The following SIRT6 variants were observed in gnomAD, a reference collection of about 807,000 sequenced individuals.
SIRT6 encodes NAD-dependent protein deacylase sirtuin-6.
A neutral mutation model predicts 33.6 loss-of-function variants in SIRT6; 21 were observed. The observed-to-expected ratio is 0.62, with a 90% CI of 0.44 to 0.90. SIRT6 has a LOEUF of 0.90. Ranked by LOEUF, SIRT6 falls within the 40% of genes least tolerant of loss-of-function variation. The pLI is 0.00. For synonymous variants in SIRT6, 221 were observed against 223.9 expected, an observed-to-expected ratio of 0.99 and a Z score of 0.12; for missense variants, 504 against 510.6, an observed-to-expected ratio of 0.99 and a Z score of 0.12.
rs779346799 is a variant in SIRT6, at chr19:4,179,241, G to A, written c.240C>T (p.Pro80=). ...CGCTCTCAAAGGTGGTGTCGAACTT[G>A]GGGGCCAGACCTCGCTCCTCCATGG... ...VWTMEERGLA[P]KFDTTFESAR... Residue 80 remains proline, a synonymous_variant, in exon 3 of 8, where the codon CCC becomes CCT. Transcript: ENST00000337491. 1.2e-6 allele frequency: 2 copies of A among 1,609,564 alleles called. No individual in the cohort carries two copies. The highest frequency in any genetic ancestry group is 1.7e-6 in the Non-Finnish European group (2 of 1,178,448).
At position 4,174,656 on chromosome 19, in the gene SIRT6, T is replaced by C; in HGVS notation, c.1029A>G (p.Arg343=). ...CCTTGGCCTTCACCCTTTTGGGGGGTCTGTGGGGGGCAGGGCTGGTGGGCC... is the reference window on the plus strand; with the variant it reads ...CCTTGGCCTTCACCCTTTTGGGGGGCCTGTGGGGGGCAGGGCTGGTGGGCC... The part of the protein sequence containing the change: ...RERPTSPAPH[R]PPKRVKAKAV... Residue 343 remains arginine, a synonymous_variant, in exon 8 of 8, where the codon AGA becomes AGG. Transcript: ENST00000337491. The surrounding 1 kb of genome is among the most constrained non-coding windows in gnomAD (Gnocchi z 4.2). The C allele has an allele frequency of 6.9e-7, 1 of 1,450,368 alleles. No homozygotes were observed. The highest frequency in any genetic ancestry group is 9.1e-7 in the Non-Finnish European group (1 of 1,098,988). 89.8% of individuals were successfully genotyped at this position (1,450,368 alleles called of 1,614,324 possible).
At chr19:4,178,807 C>T (rs1265225632) in intron 3 of SIRT6, among the ~76,000 whole-genome samples, 1 of 152,230 alleles carries the variant, frequency 6.6e-6, no homozygotes, top group African/African-American at 2.4e-5. Context: ...CATTGCACTC[C>T]AGCCTGGGCA....
In SIRT6 at chr19:4,182,538, ATCC is replaced by A; in HGVS notation, c.-2_1del. 6.2e-7 allele frequency: 1 copy of A among 1,610,630 alleles called. No homozygotes were observed. The highest frequency in any genetic ancestry group is 8.5e-7 in the Non-Finnish European group (1 of 1,178,788). Reference sequence around the variant, plus strand: ...CAGCCCCGCCGCGTAATTCACCGACATCCTCGACTGCCCCACGGGAACAATAAA... The same window carrying A: ...CAGCCCCGCCGCGTAATTCACCGACATCGACTGCCCCACGGGAACAATAAA... On this transcript the variant is annotated start_lost and start_retained_variant and 5_prime_UTR_variant, in exon 1 of 8. Coordinates refer to ENST00000337491, the MANE Select transcript of SIRT6 (RefSeq NM_016539.4).
intron 6 of SIRT6, 25 bp downstream of exon 6, chr19:4,175,655 G>C: frequency 2.7e-6 from 4 of 1,481,990 alleles, no homozygotes; most frequent in Non-Finnish European, 3.6e-6. Flanking sequence ...CCCACCATGG[G>C]CTCCCTGGGG....
At chr19:4,180,631 A>T in intron 2 of SIRT6, 151 bp downstream of exon 2, 5 of 971,064 alleles carry the variant, frequency 5.1e-6, no homozygotes, top group Non-Finnish European at 7.2e-6. Flanking sequence ...CACCATGCCC[A>T]GCCAAGGGAC....
chr19:4,177,086 A>G lies in SIRT6; in HGVS notation c.430T>C (p.Cys144Arg), dbSNP rs775965735. The G allele has an allele frequency of 1.9e-6, 3 of 1,613,664 alleles. No individual in the cohort carries two copies. The highest frequency in any genetic ancestry group is 2.5e-6 in the Non-Finnish European group (3 of 1,179,838). ...GNMFVEECAK[C>R]KTQYVRDTVV... is the part of the protein sequence containing the mutation. ...CACCCAGGTGGCACTCACGTCTTACACTTGGCACATTCTTCCACAAACATG... is the reference window on the plus strand; with the variant it reads ...CACCCAGGTGGCACTCACGTCTTACGCTTGGCACATTCTTCCACAAACATG... The change falls in exon 4 of 8, where the codon TGT (cysteine) becomes CGT (arginine). Residue 144 changes from cysteine to arginine, a missense_variant. Transcript: ENST00000337491.
intron 3 of SIRT6, among the ~76,000 whole-genome samples, 194 bp downstream of exon 3, chr19:4,178,910 T>C (rs1967459248): frequency 6.6e-6 from 1 of 152,154 alleles, no homozygotes; most frequent in Non-Finnish European, 1.5e-5. Context: ...CTTAGCCCCA[T>C]CTCGAGGGAA....
At chr19:4,180,713 T>C (rs898732278) in intron 2 of SIRT6, 69 bp downstream of exon 2, 5 of 1,546,322 alleles carry the variant, frequency 3.2e-6, no homozygotes, top group Non-Finnish European at 4.4e-6. Context: ...CCCAGATGTG[T>C]GTGGCTCGCA....
In SIRT6 at chr19:4,179,190, C is replaced by A. The variant is rs372989272; in HGVS notation, c.291G>T (p.Ala97=). The A allele has an allele frequency of 1.2e-6, 2 of 1,612,292 alleles. No homozygotes were observed. The highest frequency in any genetic ancestry group is 2.2e-5 in the East Asian group (1 of 44,856). ...GGCCCACGCGCTCCAGCTGCACCAG[C>A]GCCATGTGGGTCTGCGTGGGCCGCG... ...ESARPTQTHM[A]LVQLERVGLL... The change falls in exon 3 of 8, where the codon GCG becomes GCT. Residue 97 remains alanine, a synonymous_variant. Coordinates refer to ENST00000337491, the MANE Select transcript of SIRT6 (RefSeq NM_016539.4).
In SIRT6 at chr19:4,175,536, G is replaced by A. The variant is rs1026541869; in HGVS notation, c.614+144C>T. 2.0e-5 allele frequency: 15 copies of A among 756,640 alleles called. No homozygotes were observed. The African/African-American group carries it at 2.3e-4, about 12-fold the overall frequency. The allele number at this position is 756,640 out of a possible 1,614,324, so 46.9% of individuals were successfully genotyped here. A position where few individuals can be genotyped will look rare whatever the true frequency, so the allele number is the denominator to read the frequency against. On this transcript the variant is annotated intron_variant, in intron 6 of 7. Coordinates refer to ENST00000337491, the MANE Select transcript of SIRT6 (RefSeq NM_016539.4). ...GAGTGTGTGTGAGTGCGTGTGTGCA[G>A]CCCCTGGCCTGGCCCACCTGCTCCA...
intron 6 of SIRT6, 111 bp downstream of exon 6, chr19:4,175,569 T>A: frequency 9.0e-7 from 1 of 1,106,954 alleles, no homozygotes; most frequent in Non-Finnish European, 1.3e-6. Context: ...CCAGGAAGCC[T>A]CCCCTCACTG....
chr19:4,180,290 C>G (rs536462302), intron 2 of SIRT6, among the ~76,000 whole-genome samples: 1 of 151,840 alleles, frequency 6.6e-6, no homozygotes, highest in Admixed American at 6.6e-5. Context: ...ATATGAAAGA[C>G]TACATTTCCC....
rs1054937679 is a variant in SIRT6 at position 4,175,075 on chromosome 19, G to A, written c.691C>T (p.Arg231Cys). 5.0e-6 allele frequency: 8 copies of A among 1,593,838 alleles called. No individual in the cohort carries two copies. The highest frequency in any genetic ancestry group is 1.1e-5 in the South Asian group (1 of 88,772). The change falls in exon 7 of 8, where the codon CGC (arginine) becomes TGC (cysteine). Residue 231 changes from arginine to cysteine, a missense_variant. By Grantham distance (180) the Arg-to-Cys change is radical (BLOSUM62 -3). Transcript: ENST00000337491. ...PSGNLPLATK[R>C]RGGRLVIVNL... ...ACGATGACCAGGCGGCCTCCCCGGC[G>A]CTTGGTAGCCAGCGGCAGGTTCCCG... is the stretch of plus-strand genomic sequence containing the variant.
rs200127705 is a variant in SIRT6, at chr19:4,179,094, A to G, written c.377+10T>C. 28 of 1,610,870 alleles carry G rather than the reference A, an allele frequency of 1.7e-5. No individual in the cohort carries two copies. Among genetic ancestry groups the G allele is most frequent in the South Asian group, 1.7e-4 (15 of 90,632 alleles). On this transcript the variant is annotated intron_variant, in intron 3 of 7. Transcript: ENST00000337491. ...CAAGCTCTTTTGTGGGGGCGGGGCC[A>G]GGGTGTTACCTGGGGAAGCCTGAGC...
Position 4,174,260 on chromosome 19 carries a change from T to G in SIRT6, c.*357A>C. 2 of 195,860 alleles carry G rather than the reference T, an allele frequency of 1.0e-5. No homozygotes were observed. The highest frequency in any genetic ancestry group is 1.0e-5 in the Non-Finnish European group (1 of 97,344). 12.1% of individuals were successfully genotyped at this position (195,860 alleles called of 1,614,324 possible). A position where few individuals can be genotyped will look rare whatever the true frequency, so the allele number is the denominator to read the frequency against. On this transcript the variant is annotated 3_prime_UTR_variant, in exon 8 of 8. Transcript: ENST00000337491. The surrounding 1 kb of genome is among the most constrained non-coding windows in gnomAD (Gnocchi z 4.2). ...TCCTGCAGGGCCCATGGAGGAGGGG[T>G]AGGGTGGGCTGTAGGGGGCCCAGAA...
chr19:4,177,025 G>T, intron 4 of SIRT6, 54 bp downstream of exon 4: 1 of 1,525,320 alleles, frequency 6.6e-7, no homozygotes. Context: ...CATCGGATTC[G>T]ACCCCCAACC....
chr19:4,174,273 AG>A lies in SIRT6; in HGVS notation c.*343del. The A allele has an allele frequency of 4.9e-6, 1 of 202,284 alleles. No individual in the cohort carries two copies. Among genetic ancestry groups the A allele is most frequent in the East Asian group, 1.1e-4 (1 of 8,972 alleles). The allele number at this position is 202,284 out of a possible 1,614,324, so 12.5% of individuals were successfully genotyped here. ...ATGGAGGAGGGGTAGGGTGGGCTGT[AG>A]GGGGCCCAGAAGGGAGGCCCTGGGG... On this transcript the variant is annotated 3_prime_UTR_variant, in exon 8 of 8. Coordinates refer to ENST00000337491, the MANE Select transcript of SIRT6 (RefSeq NM_016539.4). This position sits in a 1 kb window ranked among gnomAD's most constrained non-coding sequence, Gnocchi z 4.2.
intron 6 of SIRT6, chr19:4,175,477 C>T: frequency 4.7e-6 from 3 of 637,404 alleles, no homozygotes; most frequent in Non-Finnish European, 8.0e-6. Context: ...CCTTGGTTTC[C>T]TTGTGTAGCA....
intron 1 of SIRT6, 115 bp downstream of exon 1, chr19:4,182,359 C>T: frequency 9.3e-7 from 1 of 1,079,160 alleles, no homozygotes; most frequent in Non-Finnish European, 1.3e-6. Flanking sequence ...TGGGAAGTCC[C>T]TCCCATTGTC....
Sources: allele counts gnomAD v4.1 joint callset (sites outside exome capture counted in the v4.1 genomes callset), GRCh38; gene constraint gnomAD v4.1.1; non-coding constraint Gnocchi (gnomAD v3.1); transcripts MANE v1.5; gene names NCBI Gene and HGNC (gene_info 2026-07-23, HGNC 2026-07-21).